The following NUMB variants were observed in gnomAD, a reference collection of about 807,000 sequenced individuals.
The protein encoded by NUMB is protein numb homolog.
NUMB carries 29 observed loss-of-function variants against 59.7 expected under a neutral mutation model. The ratio of observed to expected loss-of-function variants is 0.49; its 90% CI spans 0.36 to 0.66. The LOEUF (loss-of-function observed/expected upper bound fraction) is 0.66, where lower values mean the gene tolerates loss of function less well. NUMB is among the 30% of genes least tolerant of loss of function. The pLI is 0.00. For synonymous variants in NUMB, 288 were observed against 288.2 expected, an observed-to-expected ratio of 1.00 and a Z score of 0.01; for missense variants, 723 against 822.0, an observed-to-expected ratio of 0.88 and a Z score of 1.47.
chr14:73,412,440 C>A (rs1896938572), intron 1 of NUMB, among the ~76,000 whole-genome samples: 1 of 151,892 alleles, frequency 6.6e-6, no homozygotes, highest in Admixed American at 6.6e-5. Flanking sequence ...CCAGCCTGAC[C>A]AACATAGAGA....
chr14:73,440,347 A>G (rs181101002), intron 1 of NUMB, among the ~76,000 whole-genome samples: 3 of 151,912 alleles, frequency 2.0e-5, no homozygotes, highest in African/African-American at 7.2e-5. Context: ...CTTCCCCCAC[A>G]CTGTACACAA....
chr14:73,301,159 G>T (rs111518559), intron 6 of NUMB, among the ~76,000 whole-genome samples: 1 of 152,136 alleles, frequency 6.6e-6, no homozygotes, highest in Non-Finnish European at 1.5e-5. Context: ...GAAAAAATAC[G>T]CTAAATATCT....
At chr14:73,315,501 GA>G (rs1335111587) in intron 6 of NUMB, among the ~76,000 whole-genome samples, 3 of 152,062 alleles carry the variant, frequency 2.0e-5, no homozygotes, top group African/African-American at 7.2e-5. Flanking sequence ...ATCATTATTT[GA>G]AAAGCATCTA....
chr14:73,310,910 A>G (rs968503169), intron 6 of NUMB, among the ~76,000 whole-genome samples: 1 of 152,114 alleles, frequency 6.6e-6, no homozygotes, highest in African/African-American at 2.4e-5. Flanking sequence ...TTATAAAAAC[A>G]TTTTTTCAAA....
chr14:73,275,648 A>AAAT lies in NUMB; in HGVS notation c.*927_*929dup, dbSNP rs1356834821. On this transcript the variant is annotated 3_prime_UTR_variant, in exon 13 of 13. Transcript: ENST00000555238. ...GAGCATATTTCGATTGATTCCATTA[A>AAAT]AATAATGACATTAGAATTCCATCAT... 1 of 152,234 alleles carries AAAT rather than the reference A, an allele frequency of 6.6e-6. No individual in the cohort carries two copies. Among genetic ancestry groups the AAAT allele is most frequent in the Admixed American group, 6.5e-5 (1 of 15,280 alleles). The allele number at this position is 152,234 out of a possible 1,614,324, so 9.4% of individuals were successfully genotyped here.
rs1247235898 is a variant in NUMB, at chr14:73,366,979, C to T, written c.-98G>A. On this transcript the variant is annotated splice_region_variant and 5_prime_UTR_variant, in exon 3 of 13. An upstream start codon of the reference 5' UTR is lost. Transcript: ENST00000555238. The stretch of plus-strand genomic sequence containing the variant: ...TAACTTCACCAAGCCTCAGTTTCCT[C>T]ATCTGTAAAATGAGAATAATAAACA... The T allele has an allele frequency of 6.6e-6, 1 of 152,096 alleles. No homozygotes were observed. Among genetic ancestry groups the T allele is most frequent in the Non-Finnish European group, 1.5e-5 (1 of 68,030 alleles). 9.4% of individuals were successfully genotyped at this position (152,096 alleles called of 1,614,324 possible).
intron 1 of NUMB, among the ~76,000 whole-genome samples, chr14:73,419,338 G>A (rs974739817): frequency 2.0e-5 from 3 of 152,038 alleles, no homozygotes; most frequent in Non-Finnish European, 2.9e-5. Flanking sequence ...GTGAAACCCG[G>A]TCTCTACTAA....
At chr14:73,389,110 A>G (rs1391101921) in intron 2 of NUMB, among the ~76,000 whole-genome samples, 1 of 149,112 alleles carries the variant, frequency 6.7e-6, no homozygotes, top group African/African-American at 2.5e-5. Context: ...AAAAAAAAAA[A>G]AAAAAAAAAA....
chr14:73,354,139 GCTTT>G (rs1893635606), intron 4 of NUMB, among the ~76,000 whole-genome samples: 2 of 151,706 alleles, frequency 1.3e-5, no homozygotes, highest in Admixed American at 1.3e-4. Context: ...CCCTTCAGAA[GCTTT>G]AGCCCATATT....
intron 5 of NUMB, among the ~76,000 whole-genome samples, chr14:73,318,629 A>G (rs1312231816): frequency 2.0e-5 from 3 of 152,206 alleles, no homozygotes; most frequent in Admixed American, 2.0e-4. Context: ...CTCACCCTGT[A>G]GCTGATATGC....
In NUMB at chr14:73,373,705, C is replaced by CTT. The variant is rs558452695; in HGVS notation, c.-100-6726_-100-6725dup. ...GGCCTCACTGAGAAAGGAAAGCTTCCTTTTTTTTTTTTTTTTTTTTAAAGA... is the reference window on the plus strand; with the variant it reads ...GGCCTCACTGAGAAAGGAAAGCTTCCTTTTTTTTTTTTTTTTTTTTTTAAAGA... On this transcript the variant is annotated intron_variant, in intron 2 of 12. Coordinates refer to ENST00000555238, the MANE Select transcript of NUMB (RefSeq NM_001005743.2). Among the ~76,000 whole-genome samples the CTT allele has an allele frequency of 2.3e-3, 299 of 127,706 alleles. 1 individual carries two copies. Among genetic ancestry groups the CTT allele is most frequent in the Admixed American group, 5.2e-3 (64 of 12,302 alleles). 83.8% of individuals were successfully genotyped at this position (127,706 alleles called of 152,430 possible).
chr14:73,330,041 T>A (rs8007472), intron 4 of NUMB, among the ~76,000 whole-genome samples: 37,845 of 151,956 alleles, frequency 0.25, 5,562 homozygotes, highest in East Asian at 0.68. Flanking sequence ...CACTTCAAAG[T>A]ATTTTCTTTT....
At chr14:73,416,590 C>T (rs1897136396) in intron 1 of NUMB, among the ~76,000 whole-genome samples, 2 of 152,060 alleles carry the variant, frequency 1.3e-5, no homozygotes, top group Non-Finnish European at 2.9e-5. Flanking sequence ...ACTGTAATCC[C>T]ATCACTTTGG....
chr14:73,350,675 G>A (rs1047370326), intron 4 of NUMB, among the ~76,000 whole-genome samples: 4 of 143,708 alleles, frequency 2.8e-5, no homozygotes, highest in Non-Finnish European at 4.5e-5. Context: ...CAGATGACAG[G>A]TGTGTACTAC....
At chr14:73,350,042 CACATACATACATACATATAT>C (rs1016482463) in intron 4 of NUMB, among the ~76,000 whole-genome samples, 9 of 145,628 alleles carry the variant, frequency 6.2e-5, no homozygotes, top group Non-Finnish European at 1.3e-4. Context: ...GGCTCTGTCT[CACATACATACATACATATAT>C]ACATACATAC....
chr14:73,432,712 C>A (rs576324249), intron 1 of NUMB, among the ~76,000 whole-genome samples: 1 of 152,106 alleles, frequency 6.6e-6, no homozygotes, highest in African/African-American at 2.4e-5. Flanking sequence ...GACACCAAAT[C>A]AGAAGTGGAG....
intron 3 of NUMB, among the ~76,000 whole-genome samples, chr14:73,365,948 A>G (rs1594953267): frequency 6.6e-6 from 1 of 152,230 alleles, no homozygotes; most frequent in Non-Finnish European, 1.5e-5. Flanking sequence ...CACATTCACC[A>G]TAGTGAAAGT....
chr14:73,349,804 G>A lies in NUMB; in HGVS notation c.126+5822C>T, dbSNP rs1235097736. ...TGAGGCAGGAGAATCGCGTGAACCC[G>A]GGAGGCAGAGCTTGCAGTGAGCCAA... On this transcript the variant is annotated intron_variant, in intron 4 of 12. Coordinates refer to ENST00000555238, the MANE Select transcript of NUMB (RefSeq NM_001005743.2). Among the ~76,000 whole-genome samples, 12 of 151,186 alleles carry A rather than the reference G, an allele frequency of 7.9e-5. 1 individual carries two copies. In the South Asian group the frequency reaches 1.7e-3, roughly 21 times the overall value.
chr14:73,383,143 C>T (rs906684742), intron 2 of NUMB, among the ~76,000 whole-genome samples: 1 of 152,050 alleles, frequency 6.6e-6, no homozygotes, highest in African/African-American at 2.4e-5. Context: ...AAAACTCTGT[C>T]TTCAAAAAAT....
Sources: gnomAD v4.1 joint callset for allele counts (sites outside exome capture counted in the v4.1 genomes callset) on GRCh38, gnomAD v4.1.1 for gene constraint, MANE v1.5 for transcripts, NCBI Gene and HGNC (gene_info 2026-07-23, HGNC 2026-07-21) for gene names.